Variants in NDST1 observed in about 807,000 individuals in gnomAD.
The protein encoded by NDST1 is bifunctional heparan sulfate N-deacetylase/N-sulfotransferase 1.
NDST1 carries 35 observed loss-of-function variants against 92.8 expected under a neutral mutation model. The ratio of observed to expected loss-of-function variants is 0.38; its 90% CI spans 0.29 to 0.50. The LOEUF is 0.50. Among genes scored for constraint, NDST1 ranks in the 20% least tolerant of loss-of-function variants. The pLI, the probability that NDST1 is intolerant of heterozygous loss-of-function variation, is 0.94. For missense variants in NDST1, 822 were observed against 1,182.7 expected (o/e 0.69, Z 4.47); for synonymous variants, 493 against 500.3 (o/e 0.99, Z 0.19).
rs991895994 is a variant in NDST1, at chr5:150,530,382, C to T, written c.1008+2084C>T. 2.0e-5 allele frequency among the ~76,000 whole-genome samples: 3 copies of T among 152,180 alleles called. No homozygotes were observed. In the East Asian group the frequency reaches 5.8e-4, roughly 29 times the overall value. On this transcript the variant is annotated intron_variant, in intron 3 of 14. Coordinates refer to ENST00000261797, the MANE Select transcript of NDST1 (RefSeq NM_001543.5). The stretch of plus-strand genomic sequence containing the variant: ...CTGTGTTCTACTCGAGGTGTTCTTC[C>T]AGTGGCCCAAGCTCATTTTCTCCTG...
chr5:150,511,628 G>A (rs915166328), intron 1 of NDST1, among the ~76,000 whole-genome samples: 1 of 152,050 alleles, frequency 6.6e-6, no homozygotes, highest in Non-Finnish European at 1.5e-5. Context: ...GTGGCCCTGC[G>A]ACTCTGAGCC....
rs910985231 is a variant in NDST1 at position 150,532,413 on chromosome 5, C to T, written c.1009-532C>T. On this transcript the variant is annotated intron_variant, in intron 3 of 14. Coordinates refer to ENST00000261797, the MANE Select transcript of NDST1 (RefSeq NM_001543.5). ...TTTCCCTTGCCAGAGGCCTGGCGGA[C>T]GGCAGCATAGGGCTGGTTTCAAGAG... Among the ~76,000 whole-genome samples the T allele has an allele frequency of 3.9e-5, 6 of 152,330 alleles. No homozygotes were observed. The South Asian group carries it at 8.3e-4, about 21-fold the overall frequency.
chr5:150,501,735 G>A (rs979746119), intron 1 of NDST1, among the ~76,000 whole-genome samples: 2 of 152,208 alleles, frequency 1.3e-5, no homozygotes, highest in African/African-American at 4.8e-5. Context: ...TTGGACGTGG[G>A]GCTGACATTT....
At chr5:150,516,699 T>C in intron 1 of NDST1, among the ~76,000 whole-genome samples, 1 of 152,184 alleles carries the variant, frequency 6.6e-6, no homozygotes, top group East Asian at 1.9e-4. Context: ...AGAGTCTCGC[T>C]CTATTGCCCA....
chr5:150,498,143 C>T (rs1753075339), exon 1 of NDST1: 1 of 152,650 alleles, frequency 6.6e-6, no homozygotes, highest in Admixed American at 6.5e-5. Context: ...AGAAAGTAGC[C>T]TGGTGGCAGT....
rs1755183321 is a variant in NDST1, at chr5:150,540,270, G to GGGCTGGGCAGCCTGGGC, written c.1749+7_1749+23dup. 2 of 1,597,334 alleles carry GGGCTGGGCAGCCTGGGC rather than the reference G, an allele frequency of 1.3e-6. No individual in the cohort carries two copies. Among genetic ancestry groups the GGGCTGGGCAGCCTGGGC allele is most frequent in the Non-Finnish European group, 1.7e-6 (2 of 1,169,914 alleles). ...AGAAGGACCCGCTCTGGCAGGTGGG[G>GGGCTGGGCAGCCTGGGC]GGCTGGGCAGCCTGGGCAGGTTGCT... On this transcript the variant is annotated splice_region_variant and intron_variant, in intron 8 of 14. Transcript: ENST00000261797.
In NDST1 at chr5:150,521,626, G is replaced by T. The variant is rs1383403260; in HGVS notation, c.372G>T (p.Thr124=). Residue 124 remains threonine, a synonymous_variant, in exon 2 of 15, where the codon ACG becomes ACT. Coordinates refer to ENST00000261797, the MANE Select transcript of NDST1 (RefSeq NM_001543.5). This position sits in a 1 kb window ranked among gnomAD's most constrained non-coding sequence, Gnocchi z 5.9. ...EIAPGKGDMP[T]LTDKGRGRFA... ...CGCCGGGCAAGGGTGACATGCCCAC[G>T]CTCACTGACAAGGGCCGTGGCCGCT... The T allele has an allele frequency of 7.4e-6, 12 of 1,613,950 alleles. No individual in the cohort carries two copies. In the Admixed American group the frequency reaches 1.5e-4, roughly 20 times the overall value.
intron 11 of NDST1, among the ~76,000 whole-genome samples, chr5:150,546,131 G>A (rs1446757083): frequency 6.6e-6 from 1 of 151,526 alleles, no homozygotes; most frequent in African/African-American, 2.4e-5. Flanking sequence ...CCAAGTAGCT[G>A]GTATTACAGG....
intron 1 of NDST1, among the ~76,000 whole-genome samples, chr5:150,511,721 G>A (rs973529986): frequency 2.0e-5 from 3 of 152,140 alleles, no homozygotes; most frequent in Admixed American, 2.0e-4. Flanking sequence ...TCCTGGCCAG[G>A]CAGCACTGTG....
At chr5:150,541,456 G>A (rs978990877) in intron 8 of NDST1, 114 bp from the exon 9 acceptor site, 1 of 882,674 alleles carries the variant, frequency 1.1e-6, no homozygotes. Flanking sequence ...AAGGACACAT[G>A]TAGCATGTAG....
chr5:150,535,407 C>T (rs183717936), intron 5 of NDST1: 25 of 984,774 alleles, frequency 2.5e-5, no homozygotes, highest in African/African-American at 3.5e-5. Flanking sequence ...GAAAGGCCCT[C>T]GTCCTTGTCC....
intron 10 of NDST1, 38 bp downstream of exon 10, chr5:150,543,009 C>T (rs1485312586): frequency 6.2e-6 from 10 of 1,612,594 alleles, no homozygotes; most frequent in Non-Finnish European, 7.6e-6. Flanking sequence ...GACGGGAAGG[C>T]CATCCTGGGG....
intron 1 of NDST1, among the ~76,000 whole-genome samples, chr5:150,501,492 T>C (rs938106328): frequency 5.3e-5 from 8 of 152,158 alleles, no homozygotes; most frequent in Non-Finnish European, 1.0e-4. Context: ...GACTGGGAAT[T>C]TGGCTGGGAA....
chr5:150,532,594 C>T (rs1313731979), intron 3 of NDST1, among the ~76,000 whole-genome samples: 1 of 152,104 alleles, frequency 6.6e-6, no homozygotes, highest in African/African-American at 2.4e-5. Flanking sequence ...GTGGTGCGAT[C>T]TCGGCTCACT....
Position 150,553,423 on chromosome 5 carries a change from A to G in NDST1, c.*91A>G. On this transcript the variant is annotated 3_prime_UTR_variant, in exon 15 of 15. Transcript: ENST00000261797. The surrounding 1 kb of genome is among the most constrained non-coding windows in gnomAD (Gnocchi z 4.2). Reference sequence around the variant, plus strand: ...GACCTGCAGAGTGGGAAGCTGGACCAGGGCAGCTGCGCACTTATGAGCAAT... The same window carrying G: ...GACCTGCAGAGTGGGAAGCTGGACCGGGGCAGCTGCGCACTTATGAGCAAT... 2.0e-6 allele frequency: 3 copies of G among 1,526,750 alleles called. No individual in the cohort carries two copies. Among genetic ancestry groups the G allele is most frequent in the Non-Finnish European group, 1.8e-6 (2 of 1,109,636 alleles). The allele number at this position is 1,526,750 out of a possible 1,614,324, so 94.6% of individuals were successfully genotyped here.
intron 1 of NDST1, among the ~76,000 whole-genome samples, chr5:150,515,883 G>A (rs1753937324): frequency 6.6e-6 from 1 of 152,182 alleles, no homozygotes; most frequent in Admixed American, 6.5e-5. Flanking sequence ...TGAGTGGGTT[G>A]CAGAGGGGCT....
chr5:150,548,264 A>G lies in NDST1; in HGVS notation c.2192A>G (p.His731Arg), dbSNP rs749826756. The G allele has an allele frequency of 1.2e-6, 2 of 1,614,186 alleles. No individual in the cohort carries two copies. The highest frequency in any genetic ancestry group is 1.7e-5 in the Admixed American group (1 of 60,022). Reference sequence around the variant, plus strand: ...CCAGTGGCCCTAAAGTACACCTTCCATGAGGTGATTACCGCCGGCTCTGAC... The same window carrying G: ...CCAGTGGCCCTAAAGTACACCTTCCGTGAGGTGATTACCGCCGGCTCTGAC... ...DDPVALKYTF[H>R]EVITAGSDAS... Residue 731 changes from histidine (H) to arginine (R), a missense_variant, in exon 12 of 15, where the codon CAT (histidine) becomes CGT (arginine). Transcript: ENST00000261797.
intron 13 of NDST1, 73 bp downstream of exon 13, chr5:150,549,860 G>GAATA: frequency 1.1e-6 from 1 of 871,016 alleles, no homozygotes; most frequent in Non-Finnish European, 1.9e-6. Flanking sequence ...CCAAAGTCTT[G>GAATA]AATAATTATG....
At chr5:150,552,938 C>T (rs1451617236) in intron 14 of NDST1, among the ~76,000 whole-genome samples, 1 of 152,114 alleles carries the variant, frequency 6.6e-6, no homozygotes, top group East Asian at 1.9e-4. Context: ...CCTCCGCTTT[C>T]CGGGTTCAAA....
Sources: gnomAD v4.1 joint callset for allele counts (sites outside exome capture counted in the v4.1 genomes callset) on GRCh38, gnomAD v4.1.1 for gene constraint, Gnocchi (gnomAD v3.1) non-coding constraint, MANE v1.5 for transcripts, NCBI Gene and HGNC (gene_info 2026-07-23, HGNC 2026-07-21) for gene names.